The following CCDC88C variants were observed in gnomAD, a reference collection of about 807,000 sequenced individuals.
CCDC88C encodes the protein protein Daple.
In CCDC88C, 131 loss-of-function variants were observed where a neutral mutation model predicts 198.8. That is an observed-to-expected ratio of 0.66 (90% CI 0.57 to 0.76). CCDC88C has a LOEUF of 0.76. CCDC88C is among the 30% of genes least tolerant of loss of function. The pLI is 0.00. For missense variants in CCDC88C, 2,553 were observed against 2,631.6 expected (o/e 0.97, Z 0.65); for synonymous variants, 1,166 against 1,114.7 (o/e 1.05, Z -0.92).
intron 4 of CCDC88C, among the ~76,000 whole-genome samples, chr14:91,351,809 AC>A (rs1215019347): frequency 1.3e-5 from 2 of 151,786 alleles, no homozygotes; most frequent in Admixed American, 6.6e-5. Flanking sequence ...CCCCACAGAT[AC>A]CCCAGCACCA....
intron 13 of CCDC88C, 131 bp from the exon 14 acceptor site, chr14:91,315,918 T>C (rs1020001670): frequency 1.1e-6 from 1 of 912,498 alleles, no homozygotes; most frequent in Non-Finnish European, 1.6e-6. Context: ...CCTCCTGACA[T>C]CATTCTGTAG....
chr14:91,320,534 AG>A (rs1441135338), intron 13 of CCDC88C, among the ~76,000 whole-genome samples: 1 of 152,200 alleles, frequency 6.6e-6, no homozygotes, highest in Non-Finnish European at 1.5e-5. Context: ...GAGCCCACGA[AG>A]GGGGTGGTGG....
At chr14:91,277,878 G>C (rs1159243827) in intron 29 of CCDC88C, 44 bp downstream of exon 29, 1 of 1,452,808 alleles carries the variant, frequency 6.9e-7, no homozygotes. Flanking sequence ...GGAAGAGACA[G>C]AGAGGGAAGA....
intron 2 of CCDC88C, among the ~76,000 whole-genome samples, chr14:91,410,953 G>C (rs1488522159): frequency 6.6e-6 from 1 of 152,106 alleles, no homozygotes; most frequent in Non-Finnish European, 1.5e-5. Context: ...TCAGGGTCGG[G>C]AACCTGGGAG....
At chr14:91,348,487 CAAAT>C (rs1893646806) in intron 4 of CCDC88C, among the ~76,000 whole-genome samples, 3 of 151,986 alleles carry the variant, frequency 2.0e-5, no homozygotes, top group South Asian at 4.2e-4. Flanking sequence ...CCAAAACAAA[CAAAT>C]AAACAAAAAA....
chr14:91,397,658 C>G (rs1280288166), intron 3 of CCDC88C, among the ~76,000 whole-genome samples: 1 of 152,224 alleles, frequency 6.6e-6, no homozygotes, highest in African/African-American at 2.4e-5. Flanking sequence ...GCTCCCTGTT[C>G]CACCCTCCGC....
chr14:91,341,855 C>T (rs952996128), intron 6 of CCDC88C, among the ~76,000 whole-genome samples: 10 of 152,334 alleles, frequency 6.6e-5, no homozygotes, highest in Admixed American at 3.3e-4. Context: ...CCCTCCCGGC[C>T]CCTCGCTGGG....
chr14:91,349,294 A>G (rs2139882076), intron 4 of CCDC88C, among the ~76,000 whole-genome samples: 1 of 152,370 alleles, frequency 6.6e-6, no homozygotes, highest in Non-Finnish European at 1.5e-5. Flanking sequence ...TCTAAAGGGA[A>G]TAACCTTTGA....
chr14:91,285,861 C>G (rs1890383430), intron 25 of CCDC88C: 8 of 1,190,080 alleles, frequency 6.7e-6, no homozygotes, highest in Non-Finnish European at 8.7e-6. Flanking sequence ...ATCGGATAAC[C>G]CAAAGGAGGA....
intron 29 of CCDC88C, among the ~76,000 whole-genome samples, chr14:91,276,648 G>C (rs1459073095): frequency 6.6e-6 from 1 of 152,172 alleles, no homozygotes; most frequent in Non-Finnish European, 1.5e-5. Flanking sequence ...GTTTACCAGA[G>C]AGCCAGACAA....
At chr14:91,340,166 A>G in intron 6 of CCDC88C, 142 bp from the exon 7 acceptor site, 1 of 1,203,154 alleles carries the variant, frequency 8.3e-7, no homozygotes, top group Non-Finnish European at 1.2e-6. Context: ...AGGGTGCCCT[A>G]CGCAAGTGTG....
In CCDC88C at chr14:91,278,131, G is replaced by A; in HGVS notation, c.4849C>T (p.Pro1617Ser). 1 of 1,613,296 alleles carries A rather than the reference G, an allele frequency of 6.2e-7. No homozygotes were observed. Among genetic ancestry groups the A allele is most frequent in the East Asian group, 2.2e-5 (1 of 44,868 alleles). ...CGTCCCGGTGTGCTGGCTTCCCGGG[G>A]CAAAGTGGCCAGGTCCCTGCTGGGG... ...LIPSRDLATL[P>S]REASTPGRNA... Residue 1617 changes from proline to serine, a missense_variant, in exon 29 of 30, where the codon CCC becomes TCC. This residue lies in a region of CCDC88C where 1,293 missense variants were observed against 1,219.6 expected (regional missense o/e 1.06). Transcript: ENST00000389857.
chr14:91,417,682 C>G lies in CCDC88C; in HGVS notation c.9G>C (p.Val3=). 6.4e-7 allele frequency: 1 copy of G among 1,569,186 alleles called. No individual in the cohort carries two copies. The highest frequency in any genetic ancestry group is 8.6e-7 in the Non-Finnish European group (1 of 1,161,946). Residue 3 remains valine (V), a synonymous_variant, in exon 1 of 30, where the codon GTG becomes GTC. Transcript: ENST00000389857. ...AGAGCTCCAGGAGCTCCGAGACTGT[C>G]ACGTCCATGCTGAGGCTGCGCCCGC... is the stretch of plus-strand genomic sequence containing the variant. MD[V]TVSELLELFL...
chr14:91,387,425 T>C (rs1344607171), intron 3 of CCDC88C, among the ~76,000 whole-genome samples: 1 of 152,262 alleles, frequency 6.6e-6, no homozygotes, highest in East Asian at 1.9e-4. Flanking sequence ...CCAAGCTACC[T>C]CCGCAGCATG....
chr14:91,413,663 G>A (rs1170457786), intron 2 of CCDC88C, among the ~76,000 whole-genome samples: 1 of 152,184 alleles, frequency 6.6e-6, no homozygotes, highest in Non-Finnish European at 1.5e-5. Flanking sequence ...CCAGAAAGCT[G>A]AACCTGTGGG....
At chr14:91,356,119 G>A (rs1455222490) in intron 4 of CCDC88C, among the ~76,000 whole-genome samples, 4 of 152,128 alleles carry the variant, frequency 2.6e-5, no homozygotes, top group African/African-American at 9.7e-5. Flanking sequence ...AAAAAGAAAC[G>A]AAAAGAGCTT....
intron 3 of CCDC88C, among the ~76,000 whole-genome samples, chr14:91,376,354 G>A (rs527344015): frequency 6.6e-6 from 1 of 152,254 alleles, no homozygotes; most frequent in East Asian, 1.9e-4. Flanking sequence ...ATCCACTCAT[G>A]TGTTCATTCA....
At chr14:91,391,948 C>T (rs1456067947) in intron 3 of CCDC88C, among the ~76,000 whole-genome samples, 1 of 151,950 alleles carries the variant, frequency 6.6e-6, no homozygotes, top group East Asian at 1.9e-4. Context: ...GCTCTGTCGC[C>T]CAGGCTGGAG....
chr14:91,380,099 C>T (rs553234011), intron 3 of CCDC88C, among the ~76,000 whole-genome samples: 1 of 152,172 alleles, frequency 6.6e-6, no homozygotes, highest in Non-Finnish European at 1.5e-5. Flanking sequence ...GTCCCTCCCC[C>T]ACCTCATTCA....
Sources: allele counts gnomAD v4.1 joint callset (sites outside exome capture counted in the v4.1 genomes callset), GRCh38; gene constraint gnomAD v4.1.1; regional missense constraint gnomAD v4.1.1; transcripts MANE v1.5; gene names NCBI Gene and HGNC (gene_info 2026-07-23, HGNC 2026-07-21).